The following SRGAP2B variants were observed in gnomAD, a reference collection of about 807,000 sequenced individuals.
SRGAP2B encodes the protein SLIT-ROBO Rho GTPase activating protein 2B, also known as SLIT-ROBO Rho GTPase-activating protein 2B.
SRGAP2B carries 9 observed loss-of-function variants against 22.2 expected under a neutral mutation model. The observed-to-expected ratio is 0.41, with a 90% CI of 0.24 to 0.71. The LOEUF (loss-of-function observed/expected upper bound fraction) is 0.71, where lower values mean the gene tolerates loss of function less well. Ranked by LOEUF, SRGAP2B falls within the 30% of genes least tolerant of loss-of-function variation. The pLI is 0.35. For synonymous variants in SRGAP2B, 36 were observed against 87.4 expected (o/e 0.41, Z 3.28); for missense variants, 114 against 235.8 (o/e 0.48, Z 3.38).
chr1:145,045,002 A>G (rs1485252079), intron 2 of SRGAP2B, among the ~76,000 whole-genome samples: 1 of 149,888 alleles, frequency 6.7e-6, no homozygotes, highest in Non-Finnish European at 1.5e-5. Context: ...GCTCTTGAAA[A>G]TGGAGCCTTT....
intron 2 of SRGAP2B, among the ~76,000 whole-genome samples, chr1:145,080,725 T>G (rs1185891510): frequency 6.7e-6 from 1 of 149,102 alleles, no homozygotes; most frequent in Non-Finnish European, 1.5e-5. Context: ...CAGCTAACTT[T>G]TGTATTTTTA....
chr1:144,941,099 C>T (rs1666005677), intron 4 of SRGAP2B, among the ~76,000 whole-genome samples: 1 of 142,710 alleles, frequency 7.0e-6, no homozygotes, highest in African/African-American at 2.7e-5. Context: ...ATGTTTTTAC[C>T]CACAATATCT....
At chr1:144,928,604 A>AT (rs1344867771) in intron 4 of SRGAP2B, among the ~76,000 whole-genome samples, 7 of 129,694 alleles carry the variant, frequency 5.4e-5, no homozygotes, top group Non-Finnish European at 1.1e-4. Flanking sequence ...CGCCTGGCCA[A>AT]TTTTTTTGTA....
At chr1:144,948,876 A>C (rs1370509691) in intron 4 of SRGAP2B, among the ~76,000 whole-genome samples, 3 of 99,780 alleles carry the variant, frequency 3.0e-5, no homozygotes, top group African/African-American at 4.7e-5. Context: ...ATAAGGTAAC[A>C]TTCACAGGTT....
chr1:145,056,929 G>A (rs1447815641), intron 2 of SRGAP2B, among the ~76,000 whole-genome samples: 4 of 136,042 alleles, frequency 2.9e-5, no homozygotes, highest in African/African-American at 1.1e-4. Context: ...TGACTTCCAG[G>A]TGGTCAGAGT....
intron 2 of SRGAP2B, among the ~76,000 whole-genome samples, chr1:145,009,056 A>T (rs1307385225): frequency 1.0e-4 from 15 of 146,784 alleles, no homozygotes; most frequent in Non-Finnish European, 2.2e-4. Flanking sequence ...GGGCGCCTGT[A>T]GTCCCAGCTA....
At chr1:145,066,748 T>TA (rs1185444112) in intron 2 of SRGAP2B, among the ~76,000 whole-genome samples, 2 of 151,242 alleles carry the variant, frequency 1.3e-5, no homozygotes, top group Non-Finnish European at 2.9e-5. Context: ...CCAGGGCAGA[T>TA]ACCATTCTGA....
intron 4 of SRGAP2B, among the ~76,000 whole-genome samples, chr1:144,916,569 A>AT (rs1330963385): frequency 6.2e-5 from 1 of 16,210 alleles, no homozygotes; most frequent in Admixed American, 8.9e-4. Context: ...TTTATTTCAC[A>AT]TTTTTTTGTC....
At chr1:144,941,798 A>G (rs1205227719) in intron 4 of SRGAP2B, among the ~76,000 whole-genome samples, 1 of 149,776 alleles carries the variant, frequency 6.7e-6, no homozygotes, top group East Asian at 1.9e-4. Flanking sequence ...GCTAAAGTCA[A>G]AGGTGTTACT....
intron 2 of SRGAP2B, among the ~76,000 whole-genome samples, chr1:144,998,955 G>A (rs1273212689): frequency 6.6e-6 from 1 of 151,098 alleles, no homozygotes; most frequent in East Asian, 1.9e-4. Flanking sequence ...CATGTGCCCA[G>A]GCTGAAGGCC....
intron 2 of SRGAP2B, among the ~76,000 whole-genome samples, chr1:145,041,198 T>TC (rs1649217146): frequency 9.1e-6 from 1 of 109,824 alleles, no homozygotes; most frequent in Non-Finnish European, 1.8e-5. Flanking sequence ...CCCCCTAGGT[T>TC]CCCAGCACCT....
chr1:145,041,867 GGTACTCAGCATA>G (rs2102353080), intron 2 of SRGAP2B, among the ~76,000 whole-genome samples: 1 of 140,642 alleles, frequency 7.1e-6, no homozygotes, highest in East Asian at 2.0e-4. Flanking sequence ...TTTTATCTCA[GGTACTCAGCATA>G]GTACCAGGCA....
rs1199154318 is a variant in SRGAP2B, at chr1:144,898,548, G to A, written c.832-1211C>T. ...TATTGCTTAAGCAGCTCTGAGGTCC[G>A]GGTCCTAAGAAGAAACCTCAAAGAA... is the stretch of plus-strand genomic sequence containing the variant. On this transcript the variant is annotated intron_variant, in intron 7 of 9. Transcript: ENST00000612199. Among the ~76,000 whole-genome samples the A allele has an allele frequency of 4.0e-5, 6 of 149,692 alleles. 1 individual carries two copies. In the East Asian group the frequency reaches 5.8e-4, roughly 15 times the overall value.
At chr1:144,931,412 A>G (rs1665170560) in intron 4 of SRGAP2B, among the ~76,000 whole-genome samples, 1 of 150,768 alleles carries the variant, frequency 6.6e-6, no homozygotes, top group African/African-American at 2.5e-5. Flanking sequence ...CCTAATAATT[A>G]CAGAGCGAAG....
chr1:144,923,924 T>C, intron 4 of SRGAP2B, among the ~76,000 whole-genome samples: 1 of 80,278 alleles, frequency 1.2e-5, no homozygotes, highest in East Asian at 3.6e-4. Context: ...TCGAGAGATC[T>C]GTGTAGTTTT....
chr1:145,076,567 T>A lies in SRGAP2B; in HGVS notation c.67+16268A>T, dbSNP rs1321490333. Among the ~76,000 whole-genome samples, 17 of 148,774 alleles carry A rather than the reference T, an allele frequency of 1.1e-4. 1 individual carries two copies. Among genetic ancestry groups the A allele is most frequent in the Admixed American group, 8.6e-4 (13 of 15,056 alleles). ...AAAAGGCCAATCCTAAAAAGCTACA[T>A]GCTAATGGTTCCGTTTTTATAATAT... On this transcript the variant is annotated intron_variant, in intron 2 of 9. Coordinates refer to ENST00000612199, the Ensembl canonical transcript of SRGAP2B.
intron 3 of SRGAP2B, among the ~76,000 whole-genome samples, chr1:144,979,829 C>G: frequency 6.6e-6 from 1 of 151,658 alleles, no homozygotes; most frequent in African/African-American, 2.4e-5. Context: ...AAGCAGACAC[C>G]AGCACCATGC....
chr1:145,084,577 T>C (rs1553635165), intron 2 of SRGAP2B, among the ~76,000 whole-genome samples: 1 of 150,240 alleles, frequency 6.7e-6, no homozygotes, highest in Admixed American at 6.6e-5. Flanking sequence ...ATAAAGTATT[T>C]AGCATAATGC....
chr1:144,924,731 CAAA>C (rs1156257790), intron 4 of SRGAP2B, among the ~76,000 whole-genome samples: 2 of 58,202 alleles, frequency 3.4e-5, no homozygotes. Context: ...AACTCCGTCT[CAAA>C]AAAAAAAAAA....
Sources: allele counts gnomAD v4.1 joint callset (sites outside exome capture counted in the v4.1 genomes callset), GRCh38; gene constraint gnomAD v4.1.1; transcripts MANE v1.5; gene names NCBI Gene and HGNC (gene_info 2026-07-23, HGNC 2026-07-21).